NBAS: variants seen among roughly 807,000 people sequenced by gnomAD.
The protein encoded by NBAS is NBAS subunit of NRZ tethering complex.
In NBAS, 219 loss-of-function variants were observed where a neutral mutation model predicts 302.5. The observed-to-expected ratio is 0.72, with a 90% confidence interval of 0.65 to 0.81. NBAS has a LOEUF of 0.81. NBAS is among the 30% of genes least tolerant of loss of function. The pLI is 0.00. For missense variants in NBAS, 2,932 were observed against 2,841.6 expected (o/e 1.03, Z -0.72); for synonymous variants, 1,118 against 1,021.6 (o/e 1.09, Z -1.80).
At chr2:14,949,870 G>A in the NBAS span, among the ~76,000 whole-genome samples, 2 of 152,098 alleles carry the variant, frequency 1.3e-5, no homozygotes, top group Admixed American at 6.6e-5. Flanking sequence ...AAAGTAGATT[G>A]GTGGCTACCA....
intron 31 of NBAS, among the ~76,000 whole-genome samples, chr2:15,367,779 C>CT (rs1163199827): frequency 1.3e-5 from 2 of 152,172 alleles, no homozygotes; most frequent in Middle Eastern, 3.4e-3. Context: ...CTGGAATGGG[C>CT]TTTTTTGGGG....
the NBAS span, among the ~76,000 whole-genome samples, chr2:15,101,052 T>C: frequency 2.0e-5 from 3 of 152,228 alleles, no homozygotes; most frequent in South Asian, 2.1e-4. Context: ...GTGAATGGCA[T>C]TGAAAAATGA....
chr2:14,910,999 A>G, the NBAS span, among the ~76,000 whole-genome samples: 1 of 152,240 alleles, frequency 6.6e-6, no homozygotes, highest in African/African-American at 2.4e-5. Context: ...TGGCTGGATT[A>G]CAACTTCAGA....
chr2:15,141,647 A>G, the NBAS span, among the ~76,000 whole-genome samples: 1 of 152,014 alleles, frequency 6.6e-6, no homozygotes, highest in Non-Finnish European at 1.5e-5. Context: ...TTGATGCACA[A>G]TGTGAACATA....
the NBAS span, among the ~76,000 whole-genome samples, chr2:15,009,826 G>A: frequency 6.6e-6 from 1 of 151,676 alleles, no homozygotes; most frequent in Non-Finnish European, 1.5e-5. Flanking sequence ...CATGCAATGT[G>A]GACCTAATAT....
the NBAS span, among the ~76,000 whole-genome samples, chr2:14,797,417 G>T: frequency 3.6e-3 from 555 of 152,326 alleles, 5 homozygotes; most frequent in African/African-American, 0.013. Flanking sequence ...AAGTGGTGGT[G>T]GGGCTAGGCC....
At chr2:14,980,670 G>GAA in the NBAS span, among the ~76,000 whole-genome samples, 1 of 151,286 alleles carries the variant, frequency 6.6e-6, no homozygotes, top group African/African-American at 2.4e-5. Flanking sequence ...GAATAGGCAG[G>GAA]AAAAAAAATC....
intron 44 of NBAS, among the ~76,000 whole-genome samples, chr2:15,245,153 G>A (rs1051265699): frequency 6.6e-6 from 1 of 152,124 alleles, no homozygotes; most frequent in Non-Finnish European, 1.5e-5. Flanking sequence ...GCTCAAATCC[G>A]TGTAATGGCT....
At chr2:15,308,494 A>G in intron 39 of NBAS, 141 bp from the exon 40 acceptor site, 2 of 1,048,002 alleles carry the variant, frequency 1.9e-6, no homozygotes, top group Non-Finnish European at 2.8e-6. Context: ...TCAACTTAAT[A>G]ATGACTATAT....
chr2:15,088,206 G>T, the NBAS span, among the ~76,000 whole-genome samples: 1 of 152,144 alleles, frequency 6.6e-6, no homozygotes, highest in Non-Finnish European at 1.5e-5. Context: ...AAGAGCAAAA[G>T]GTAGTCATGC....
chr2:15,226,001 C>A lies in NBAS; in HGVS notation c.6236+6421G>T, dbSNP rs10929349. ...TGGTTAGAAATGCAGAATTTCAGAC[C>A]CCACCCAGACCTACTCTATCAAAAT... is the stretch of plus-strand genomic sequence containing the variant. On this transcript the variant is annotated intron_variant, in intron 47 of 51. Coordinates refer to ENST00000281513, the MANE Select transcript of NBAS (RefSeq NM_015909.4). Among the ~76,000 whole-genome samples, 31 of 151,890 alleles carry A rather than the reference C, an allele frequency of 2.0e-4. No homozygotes were observed. In the East Asian group the frequency reaches 5.8e-3, roughly 28 times the overall value.
chr2:15,467,854 T>G, intron 17 of NBAS, 50 bp from the exon 18 acceptor site: 5 of 1,426,820 alleles, frequency 3.5e-6, no homozygotes, highest in Non-Finnish European at 4.9e-6. Flanking sequence ...AAAAACTTCG[T>G]GTTGTGAAAA....
intron 47 of NBAS, among the ~76,000 whole-genome samples, chr2:15,219,912 C>A (rs1307106443): frequency 6.8e-6 from 1 of 147,498 alleles, no homozygotes; most frequent in Non-Finnish European, 1.5e-5. Flanking sequence ...CGGGCAGAAG[C>A]GCCCCTCACC....
At chr2:15,432,730 T>C (rs1284678753) in intron 21 of NBAS, among the ~76,000 whole-genome samples, 3 of 152,160 alleles carry the variant, frequency 2.0e-5, no homozygotes, top group African/African-American at 4.8e-5. Context: ...AAAATAATAA[T>C]ACTTGGGGCC....
At chr2:14,865,224 C>A in the NBAS span, among the ~76,000 whole-genome samples, 1 of 151,908 alleles carries the variant, frequency 6.6e-6, no homozygotes. Context: ...ATAACTCTAA[C>A]TTCTTTCCCC....
Position 15,551,491 on chromosome 2 carries a change from A to G in NBAS, c.379+2T>C, listed in dbSNP as rs749700032. The G allele has an allele frequency of 1.2e-6, 2 of 1,605,758 alleles. No individual in the cohort carries two copies. Among genetic ancestry groups the G allele is most frequent in the Non-Finnish European group, 1.7e-6 (2 of 1,174,458 alleles). On this transcript the variant is annotated splice_donor_variant, in intron 6 of 51. Transcript: ENST00000281513. LOFTEE classifies it high-confidence loss of function. ...TTCTTTAAATATTTTGGAAACTCTT[A>G]CCTTGACATTTCCCAATAATGGATG... is the stretch of plus-strand genomic sequence containing the variant.
the NBAS span, among the ~76,000 whole-genome samples, chr2:14,948,422 T>C: frequency 6.6e-6 from 1 of 152,028 alleles, no homozygotes; most frequent in African/African-American, 2.4e-5. Context: ...AAAATCAACA[T>C]ACAAAAATCA....
intron 21 of NBAS, among the ~76,000 whole-genome samples, chr2:15,439,160 G>A (rs552637784): frequency 2.0e-4 from 30 of 152,014 alleles, no homozygotes; most frequent in East Asian, 7.8e-4. Context: ...AAAATTAGCC[G>A]GGTGCAGTGG....
chr2:15,358,399 T>C (rs1479020596), intron 32 of NBAS, among the ~76,000 whole-genome samples: 1 of 151,902 alleles, frequency 6.6e-6, no homozygotes, highest in Non-Finnish European at 1.5e-5. Context: ...TGTGTGTATG[T>C]GTGTGTGTGC....
Sources: gnomAD v4.1 joint callset for allele counts (sites outside exome capture counted in the v4.1 genomes callset) on GRCh38, gnomAD v4.1.1 for gene constraint, MANE v1.5 for transcripts, NCBI Gene and HGNC (gene_info 2026-07-23, HGNC 2026-07-21) for gene names.